The following FBXO25 variants were observed in gnomAD, a reference collection of about 807,000 sequenced individuals.
FBXO25 encodes the protein F-box only protein 25.
In FBXO25, 45 loss-of-function variants were observed where a neutral mutation model predicts 51.9. The ratio of observed to expected loss-of-function variants is 0.87; its 90% CI spans 0.68 to 1.11. FBXO25 has a LOEUF of 1.11. Among genes scored for constraint, FBXO25 ranks in the 50% most tolerant of loss-of-function variants. The pLI is 0.00. For missense variants in FBXO25, 507 were observed against 428.5 expected (o/e 1.18, Z -1.62); for synonymous variants, 199 against 151.0 (o/e 1.32, Z -2.33).
chr8:424,100 T>A (rs1260233510), intron 2 of FBXO25, among the ~76,000 whole-genome samples: 4 of 151,398 alleles, frequency 2.6e-5, no homozygotes, highest in African/African-American at 4.9e-5. Context: ...GAGAAGTGCC[T>A]GTTCATGTCC....
At chr8:461,582 A>C (rs1021310511) in intron 8 of FBXO25, among the ~76,000 whole-genome samples, 1 of 152,224 alleles carries the variant, frequency 6.6e-6, no homozygotes, top group Non-Finnish European at 1.5e-5. Context: ...AATTATGGGA[A>C]CTACAATTCA....
rs1015427918 is a variant in FBXO25, at chr8:470,541, A to T, written c.*1737A>T. On this transcript the variant is annotated 3_prime_UTR_variant, in exon 10 of 10. Coordinates refer to ENST00000350302, the MANE Select transcript of FBXO25 (RefSeq NM_183420.2). ...ACCACAGGCATATACCACCATGCTC[A>T]GCTGTTTTTTTGTATTTTTAGTAGA... The T allele has an allele frequency of 5.9e-5, 9 of 151,936 alleles. No homozygotes were observed. The highest frequency in any genetic ancestry group is 1.9e-4 in the African/African-American group (8 of 41,332). The allele number at this position is 151,936 out of a possible 1,614,324, so 9.4% of individuals were successfully genotyped here. A position where few individuals can be genotyped will look rare whatever the true frequency, so the allele number is the denominator to read the frequency against.
At chr8:451,244 A>G (rs760835992) in intron 6 of FBXO25, 25 bp from the exon 7 acceptor site, 3 of 1,575,752 alleles carry the variant, frequency 1.9e-6, no homozygotes, top group East Asian at 2.2e-5. Context: ...GTATCAATCC[A>G]TAGTTTTATT....
chr8:477,462 C>A lies in FBXO25; in HGVS notation c.*8658C>A, dbSNP rs1250650482. The A allele has an allele frequency of 6.6e-6, 1 of 152,212 alleles. No homozygotes were observed. Among genetic ancestry groups the A allele is most frequent in the Non-Finnish European group, 1.5e-5 (1 of 68,042 alleles). The allele number at this position is 152,212 out of a possible 1,614,324, so 9.4% of individuals were successfully genotyped here. ...GATGTTTGGTGCATATATATTACAT[C>A]TTGGTGAATTTTCAAACTTTTTAAA... On this transcript the variant is annotated 3_prime_UTR_variant, in exon 10 of 10. Transcript: ENST00000350302.
At chr8:464,475 C>G (rs1800022101) in intron 9 of FBXO25, among the ~76,000 whole-genome samples, 1 of 152,190 alleles carries the variant, frequency 6.6e-6, no homozygotes, top group Admixed American at 6.5e-5. Flanking sequence ...GAGGCCCTGC[C>G]TCTTGCAAGA....
chr8:409,212 G>T (rs926083621), intron 1 of FBXO25, among the ~76,000 whole-genome samples: 16 of 152,164 alleles, frequency 1.1e-4, no homozygotes, highest in Non-Finnish European at 1.8e-4. Context: ...TGCATCCAGA[G>T]TTTGTGCTTT....
intron 9 of FBXO25, among the ~76,000 whole-genome samples, chr8:465,971 G>A (rs1800132770): frequency 6.6e-6 from 1 of 152,124 alleles, no homozygotes; most frequent in South Asian, 2.1e-4. Context: ...TTGAGAACAA[G>A]TCTCTCCTAG....
chr8:409,221 T>G (rs569258187), intron 1 of FBXO25, among the ~76,000 whole-genome samples: 5 of 152,320 alleles, frequency 3.3e-5, no homozygotes, highest in South Asian at 2.1e-4. Flanking sequence ...AGTTTGTGCT[T>G]TAGTTCATGA....
intron 5 of FBXO25, among the ~76,000 whole-genome samples, chr8:444,547 C>T (rs1475589706): frequency 2.6e-5 from 4 of 152,026 alleles, no homozygotes; most frequent in Admixed American, 2.0e-4. Context: ...TATAAATATT[C>T]TATTGATGTG....
intron 9 of FBXO25, chr8:468,030 G>A: frequency 7.8e-7 from 1 of 1,285,226 alleles, no homozygotes. Context: ...TGGCAGCACT[G>A]CCAGGGCATG....
Position 431,485 on chromosome 8 carries a change from C to T in FBXO25, c.238+41C>T, listed in dbSNP as rs772772306. The T allele has an allele frequency of 1.5e-5, 15 of 997,330 alleles. No individual in the cohort carries two copies. In the East Asian group the frequency reaches 2.1e-4, roughly 14 times the overall value. The allele number at this position is 997,330 out of a possible 1,614,324, so 61.8% of individuals were successfully genotyped here. Reference sequence around the variant, plus strand: ...TTAATTTTATTTTACTTGTTGATTACGTTGAAATACTAAATTACTCTGACA... The same window carrying T: ...TTAATTTTATTTTACTTGTTGATTATGTTGAAATACTAAATTACTCTGACA... On this transcript the variant is annotated intron_variant, in intron 3 of 9. Transcript: ENST00000350302.
In FBXO25 at chr8:471,154, A is replaced by T. The variant is rs1165072032; in HGVS notation, c.*2350A>T. On this transcript the variant is annotated 3_prime_UTR_variant, in exon 10 of 10. Coordinates refer to ENST00000350302, the MANE Select transcript of FBXO25 (RefSeq NM_183420.2). ...TTCTGCTGGGCTGGCATATTTCCACAGGCCATGGACACAGCTAGCCGCATT... is the reference window on the plus strand; with the variant it reads ...TTCTGCTGGGCTGGCATATTTCCACTGGCCATGGACACAGCTAGCCGCATT... 1 of 152,228 alleles carries T rather than the reference A, an allele frequency of 6.6e-6. No homozygotes were observed. The highest frequency in any genetic ancestry group is 2.4e-5 in the African/African-American group (1 of 41,458). 9.4% of individuals were successfully genotyped at this position (152,228 alleles called of 1,614,324 possible). A position where few individuals can be genotyped will look rare whatever the true frequency, so the allele number is the denominator to read the frequency against.
chr8:407,393 C>G, intron 1 of FBXO25: 1 of 980,780 alleles, frequency 1.0e-6, no homozygotes, highest in Non-Finnish European at 1.2e-6. Context: ...CAGGTAGGGA[C>G]GATGGGCCGC....
chr8:450,033 G>C lies in FBXO25; in HGVS notation c.425G>C (p.Gly142Ala), dbSNP rs777103868. The C allele has an allele frequency of 6.2e-7, 1 of 1,613,204 alleles. No individual in the cohort carries two copies. Among genetic ancestry groups the C allele is most frequent in the African/African-American group, 1.3e-5 (1 of 75,002 alleles). Residue 142 changes from glycine to alanine, a missense_variant, in exon 6 of 10, where the codon GGC becomes GCC. Transcript: ENST00000350302. ...AAATCCCAGTTAACTTCATTGAGTGGCGTGGCACAGAAGAATTACTTCAAC... is the reference window on the plus strand; with the variant it reads ...AAATCCCAGTTAACTTCATTGAGTGCCGTGGCACAGAAGAATTACTTCAAC... ...IAKSQLTSLS[G>A]VAQKNYFNIL...
intron 5 of FBXO25, among the ~76,000 whole-genome samples, chr8:440,162 C>G (rs1246182209): frequency 6.6e-6 from 1 of 152,122 alleles, no homozygotes. Context: ...CTGTCTCTTT[C>G]TTATTTATTT....
At chr8:447,015 C>G (rs991608237) in intron 5 of FBXO25, among the ~76,000 whole-genome samples, 2 of 152,126 alleles carry the variant, frequency 1.3e-5, no homozygotes, top group African/African-American at 2.4e-5. Flanking sequence ...GCAGCTAAGC[C>G]TGGGCAGTGA....
In FBXO25 at chr8:477,746, A is replaced by C. The variant is rs904596741; in HGVS notation, c.*8942A>C. 6.6e-6 allele frequency: 1 copy of C among 152,286 alleles called. No homozygotes were observed. Among genetic ancestry groups the C allele is most frequent in the Non-Finnish European group, 1.5e-5 (1 of 68,042 alleles). The allele number at this position is 152,286 out of a possible 1,614,324, so 9.4% of individuals were successfully genotyped here. On this transcript the variant is annotated 3_prime_UTR_variant, in exon 10 of 10. Coordinates refer to ENST00000350302, the MANE Select transcript of FBXO25 (RefSeq NM_183420.2). ...CACCAGTGCATGTGGCTGTGTTCCA[A>C]ACTTTTTGGACAATAAAATCTGAAT...
chr8:474,715 G>A lies in FBXO25; in HGVS notation c.*5911G>A, dbSNP rs1448423884. On this transcript the variant is annotated 3_prime_UTR_variant, in exon 10 of 10. Transcript: ENST00000350302. ...GGCTCTTTGTCCATTTTTCAATCAG[G>A]TGTGTGTTTTTATATGTTCTGGGTA... 6.6e-6 allele frequency: 3 copies of A among 456,012 alleles called. No individual in the cohort carries two copies. The highest frequency in any genetic ancestry group is 1.3e-5 in the Non-Finnish European group (3 of 226,880). The allele number at this position is 456,012 out of a possible 1,614,324, so 28.2% of individuals were successfully genotyped here.
At chr8:416,152 C>A (rs181783151) in intron 2 of FBXO25, among the ~76,000 whole-genome samples, 70 of 152,360 alleles carry the variant, frequency 4.6e-4, no homozygotes, top group African/African-American at 1.6e-3. Context: ...TCTTGGTCAT[C>A]TGCTATGTGC....
Sources: allele counts gnomAD v4.1 joint callset (sites outside exome capture counted in the v4.1 genomes callset), GRCh38; gene constraint gnomAD v4.1.1; transcripts MANE v1.5; gene names NCBI Gene and HGNC (gene_info 2026-07-23, HGNC 2026-07-21).